RAP1A: variants seen among roughly 807,000 people sequenced by gnomAD.
RAP1A encodes the protein RAP1A, member of RAS oncogene family, also known as ras-related protein Rap-1A.
RAP1A carries 6 observed loss-of-function variants against 26.4 expected under a neutral mutation model. The ratio of observed to expected loss-of-function variants is 0.23; its 90% CI spans 0.12 to 0.45. The LOEUF (loss-of-function observed/expected upper bound fraction) is 0.45, where lower values mean the gene tolerates loss of function less well. Among genes scored for constraint, RAP1A ranks in the 20% least tolerant of loss-of-function variants. The pLI is 0.99. For missense variants in RAP1A, 121 were observed against 217.2 expected (o/e 0.56, Z 2.78); for synonymous variants, 73 against 79.4 (o/e 0.92, Z 0.43).
chr1:111,646,807 G>A (rs766961820), intron 1 of RAP1A, among the ~76,000 whole-genome samples: 27 of 152,172 alleles, frequency 1.8e-4, no homozygotes, highest in Non-Finnish European at 2.6e-4. Flanking sequence ...CCAAAGTGCC[G>A]GGATTACAGG....
chr1:111,663,581 CCTTA>C (rs1236651227), intron 1 of RAP1A, among the ~76,000 whole-genome samples: 1 of 152,124 alleles, frequency 6.6e-6, no homozygotes, highest in Non-Finnish European at 1.5e-5. Context: ...GAACTATGTC[CCTTA>C]CTTTAAGATT....
chr1:111,584,788 A>G (rs1658328398), intron 1 of RAP1A, among the ~76,000 whole-genome samples: 1 of 152,194 alleles, frequency 6.6e-6, no homozygotes, highest in Admixed American at 6.5e-5. Context: ...GAAGAGTAGA[A>G]AAAGTAGCAG....
chr1:111,625,926 G>A (rs1262861284), intron 1 of RAP1A, among the ~76,000 whole-genome samples: 2 of 152,016 alleles, frequency 1.3e-5, no homozygotes, highest in African/African-American at 2.4e-5. Flanking sequence ...ACAGGCGTGT[G>A]CCACCACAGT....
At chr1:111,706,739 C>G (rs1447200621) in intron 6 of RAP1A, 3 of 985,058 alleles carry the variant, frequency 3.0e-6, no homozygotes, top group African/African-American at 1.7e-5. Flanking sequence ...TATTATAGTT[C>G]GAACTTGCCC....
intron 1 of RAP1A, among the ~76,000 whole-genome samples, chr1:111,559,071 T>C (rs2101044860): frequency 6.6e-6 from 1 of 152,244 alleles, no homozygotes; most frequent in East Asian, 1.9e-4. Flanking sequence ...TAAAAGATAA[T>C]TTTTAAAAAA....
At chr1:111,706,582 C>A in intron 6 of RAP1A, 1 of 360,342 alleles carries the variant, frequency 2.8e-6, no homozygotes, top group Non-Finnish European at 3.9e-6. Context: ...TTTGCTGAGG[C>A]TGGAATAGTA....
chr1:111,697,099 A>T (rs76432085), intron 3 of RAP1A, among the ~76,000 whole-genome samples: 3,707 of 152,304 alleles, frequency 0.024, 55 homozygotes, highest in Non-Finnish European at 0.037. Context: ...ATAAATACAC[A>T]TATGTACTTT....
chr1:111,685,171 C>G (rs956995716), intron 1 of RAP1A, among the ~76,000 whole-genome samples: 1 of 151,952 alleles, frequency 6.6e-6, no homozygotes, highest in Non-Finnish European at 1.5e-5. Flanking sequence ...CATAAAAACC[C>G]GAGAAGATAA....
At chr1:111,584,444 C>G (rs546073090) in intron 1 of RAP1A, among the ~76,000 whole-genome samples, 2 of 152,192 alleles carry the variant, frequency 1.3e-5, no homozygotes, top group East Asian at 1.9e-4. Flanking sequence ...ATAGATGGTG[C>G]CTTCTGTGAG....
intron 1 of RAP1A, among the ~76,000 whole-genome samples, chr1:111,662,873 T>A (rs1469284007): frequency 6.6e-6 from 1 of 152,182 alleles, no homozygotes; most frequent in East Asian, 1.9e-4. Context: ...TAGATCCTGA[T>A]TTTGGACCCA....
Position 111,579,789 on chromosome 1 carries a change from CATTTATTT to C in RAP1A, c.-28+37313_-28+37320del, listed in dbSNP as rs71763753. On this transcript the variant is annotated intron_variant, in intron 1 of 7. Coordinates refer to the RAP1A transcript ENST00000356415. The stretch of plus-strand genomic sequence containing the variant: ...TTTAAAATAAAGTGTTGAATATCTC[CATTTATTT>C]ATTTATTTATTTATTTATTTATTTA... Among the ~76,000 whole-genome samples the C allele has an allele frequency of 4.4e-3, 654 of 148,144 alleles. 4 individuals carry two copies. Among genetic ancestry groups the C allele is most frequent in the African/African-American group, 0.015 (586 of 39,518 alleles).
chr1:111,674,542 A>G (rs1340273502), intron 1 of RAP1A, among the ~76,000 whole-genome samples: 1 of 152,210 alleles, frequency 6.6e-6, no homozygotes, highest in Non-Finnish European at 1.5e-5. Flanking sequence ...CAGAACCTCC[A>G]GACTTGGCTT....
At chr1:111,617,329 C>G (rs975598341), upstream of RAP1A, among the ~76,000 whole-genome samples, 2 of 152,168 alleles carry the variant, frequency 1.3e-5, no homozygotes, top group African/African-American at 4.8e-5. Context: ...AATGCATTCC[C>G]TTACTCCTAT....
chr1:111,546,340 C>T (rs994066971), intron 1 of RAP1A, among the ~76,000 whole-genome samples: 1 of 152,074 alleles, frequency 6.6e-6, no homozygotes, highest in African/African-American at 2.4e-5. Context: ...CATTGTTGTG[C>T]AACCATTACC....
rs1356392886 is a variant in RAP1A, at chr1:111,563,785, G to A, written c.-28+21276G>A. On this transcript the variant is annotated intron_variant, in intron 1 of 7. Transcript: ENST00000356415. ...ATGAATAAATGTTCCAAAGTGGTCA[G>A]TATGCAGACTCAGACCCCAACCTCT... 10 of 1,276,450 alleles carry A rather than the reference G, an allele frequency of 7.8e-6. No homozygotes were observed. In the Admixed American group the frequency reaches 1.7e-4, roughly 22 times the overall value. 79.1% of individuals were successfully genotyped at this position (1,276,450 alleles called of 1,614,324 possible).
At chr1:111,621,847 A>G (rs976126199) in intron 1 of RAP1A, among the ~76,000 whole-genome samples, 1 of 152,228 alleles carries the variant, frequency 6.6e-6, no homozygotes, top group African/African-American at 2.4e-5. Flanking sequence ...ACACAGTTCC[A>G]TATTAAAACA....
At chr1:111,668,723 A>G (rs1401778386) in intron 1 of RAP1A, among the ~76,000 whole-genome samples, 2 of 152,090 alleles carry the variant, frequency 1.3e-5, no homozygotes, top group African/African-American at 4.8e-5. Context: ...TTAGGGGGAG[A>G]ACTTTTAGAA....
chr1:111,563,710 C>A (rs1657837345), intron 1 of RAP1A: 2 of 646,062 alleles, frequency 3.1e-6, no homozygotes, highest in East Asian at 5.2e-5. Flanking sequence ...CAAATTATCT[C>A]TATTTTACAC....
At position 111,714,598 on chromosome 1, in the gene RAP1A, C is replaced by T. The variant is rs1033129796; in HGVS notation, c.*2197C>T. On this transcript the variant is annotated 3_prime_UTR_variant, in exon 8 of 8. Coordinates refer to ENST00000369709, the MANE Select transcript of RAP1A (RefSeq NM_002884.4). ...CAGTCCACTTGGGTTAAAGGTGGAA[C>T]TGTCAAGAAAAACGCCTTTCTGGCA... is the stretch of plus-strand genomic sequence containing the variant. The T allele has an allele frequency of 6.6e-6, 1 of 152,160 alleles. No homozygotes were observed. The highest frequency in any genetic ancestry group is 2.4e-5 in the African/African-American group (1 of 41,438). The allele number at this position is 152,160 out of a possible 1,614,324, so 9.4% of individuals were successfully genotyped here. A position where few individuals can be genotyped will look rare whatever the true frequency, so the allele number is the denominator to read the frequency against.
Sources: allele counts gnomAD v4.1 joint callset (sites outside exome capture counted in the v4.1 genomes callset), GRCh38; gene constraint gnomAD v4.1.1; transcripts MANE v1.5; gene names NCBI Gene and HGNC (gene_info 2026-07-23, HGNC 2026-07-21).